The following PDE1C variants were observed in gnomAD, a reference collection of about 807,000 sequenced individuals.
The protein encoded by PDE1C is phosphodiesterase 1C.
A neutral mutation model predicts 93.1 loss-of-function variants in PDE1C; 62 were observed. The ratio of observed to expected loss-of-function variants is 0.67; its 90% CI spans 0.54 to 0.82. The LOEUF is 0.82. PDE1C is among the 40% of genes least tolerant of loss of function. The pLI, the probability that PDE1C is intolerant of heterozygous loss-of-function variation, is 0.00. For missense variants in PDE1C, 742 were observed against 884.6 expected, an observed-to-expected ratio of 0.84 and a Z score of 2.04; for synonymous variants, 325 against 310.1, an observed-to-expected ratio of 1.05 and a Z score of -0.50.
rs957080429 is a variant in PDE1C at position 32,095,379 on chromosome 7, G to A, written c.308+74406C>T. 3.3e-5 allele frequency among the ~76,000 whole-genome samples: 5 copies of A among 152,160 alleles called. 1 individual carries two copies. The South Asian group carries it at 6.2e-4, about 19-fold the overall frequency. ...GCAGATCCAGCACCCTTCCATGGCC[G>A]GACATGGACTCCTGCCTTAATCCTC... On this transcript the variant is annotated intron_variant, in intron 3 of 18. Coordinates refer to the PDE1C transcript ENST00000396193.
chr7:31,900,020 C>T (rs185880288), intron 2 of PDE1C, among the ~76,000 whole-genome samples: 12 of 152,236 alleles, frequency 7.9e-5, no homozygotes, highest in Admixed American at 3.3e-4. Context: ...ATGTCAGTTA[C>T]GCCAAGAAAC....
chr7:32,098,107 G>A (rs1797855161), intron 3 of PDE1C, among the ~76,000 whole-genome samples: 2 of 148,832 alleles, frequency 1.3e-5, no homozygotes, highest in Admixed American at 6.7e-5. Flanking sequence ...GCGGGCGCCT[G>A]TAGTCCCAGC....
In PDE1C at chr7:31,996,147, A is replaced by C. The variant is rs2128547349; in HGVS notation, c.128+55407T>G. ...GGGTGTAAAAACCAAGTTGAGAGAGAGAGAAGCTGGCAACATAGGTCTCCC... is the reference window on the plus strand; with the variant it reads ...GGGTGTAAAAACCAAGTTGAGAGAGCGAGAAGCTGGCAACATAGGTCTCCC... On this transcript the variant is annotated intron_variant, in intron 2 of 17. Transcript: ENST00000396191. Among the ~76,000 whole-genome samples, 3 of 152,046 alleles carry C rather than the reference A, an allele frequency of 2.0e-5. 1 individual carries two copies. In the Middle Eastern group the frequency reaches 0.01, roughly 517 times the overall value.
At chr7:31,692,599 A>C in the PDE1C span, 1 of 1,419,056 alleles carries the variant, frequency 7.0e-7, no homozygotes, top group Non-Finnish European at 9.9e-7. Context: ...GTTTGCAGGC[A>C]AGTCAGAGAG....
the PDE1C span, among the ~76,000 whole-genome samples, chr7:31,699,191 C>A: frequency 6.6e-6 from 1 of 152,104 alleles, no homozygotes; most frequent in East Asian, 1.9e-4. Context: ...TGAGGACTGC[C>A]TTTATTACTT....
chr7:31,860,012 A>G (rs1196843122), intron 7 of PDE1C, among the ~76,000 whole-genome samples: 1 of 152,172 alleles, frequency 6.6e-6, no homozygotes, highest in Non-Finnish European at 1.5e-5. Flanking sequence ...ACATTGCTAC[A>G]ATGAACCTGA....
chr7:32,032,293 A>G (rs551373100), intron 2 of PDE1C, among the ~76,000 whole-genome samples: 8 of 152,190 alleles, frequency 5.3e-5, no homozygotes, highest in Non-Finnish European at 1.2e-4. Context: ...AGGAAAACAA[A>G]CCTACTTGCC....
intron 2 of PDE1C, among the ~76,000 whole-genome samples, chr7:31,936,832 A>G (rs1805155072): frequency 6.6e-6 from 1 of 152,168 alleles, no homozygotes; most frequent in Non-Finnish European, 1.5e-5. Context: ...TGCCAAGGTT[A>G]AGAGCCAGCC....
downstream of PDE1C, among the ~76,000 whole-genome samples, chr7:31,750,460 C>T (rs1196705873): frequency 6.6e-6 from 1 of 152,152 alleles, no homozygotes. Flanking sequence ...AGGGACATTA[C>T]CCTTGAACTC....
intron 3 of PDE1C, among the ~76,000 whole-genome samples, chr7:32,141,636 CTGAG>C (rs1420517390): frequency 1.3e-5 from 2 of 152,178 alleles, no homozygotes; most frequent in Non-Finnish European, 2.9e-5. Context: ...GAAAGAAAGA[CTGAG>C]ACACTGTCAC....
At chr7:31,851,083 C>CAT (rs1793272869) in intron 7 of PDE1C, among the ~76,000 whole-genome samples, 1 of 28,340 alleles carries the variant, frequency 3.5e-5, no homozygotes, top group Admixed American at 6.4e-4. Flanking sequence ...CACACACACA[C>CAT]ACACACACAC....
intron 2 of PDE1C, among the ~76,000 whole-genome samples, chr7:31,910,811 G>T (rs1417232711): frequency 6.6e-6 from 1 of 152,124 alleles, no homozygotes; most frequent in Non-Finnish European, 1.5e-5. Flanking sequence ...AATGTAGTTG[G>T]TGTGAGGAGT....
At chr7:32,248,299 G>T (rs577709327) in intron 1 of PDE1C, among the ~76,000 whole-genome samples, 1 of 152,118 alleles carries the variant, frequency 6.6e-6, no homozygotes, top group Non-Finnish European at 1.5e-5. Flanking sequence ...ATTTAGAGTG[G>T]AGGAGAAGAC....
At chr7:31,718,387 G>A in the PDE1C span, among the ~76,000 whole-genome samples, 15 of 152,132 alleles carry the variant, frequency 9.9e-5, no homozygotes, top group Non-Finnish European at 2.1e-4. Context: ...GCTACTCACA[G>A]GTCTGAAGAC....
intron 2 of PDE1C, among the ~76,000 whole-genome samples, chr7:31,935,077 T>C (rs1052264504): frequency 3.3e-5 from 5 of 152,164 alleles, no homozygotes; most frequent in Admixed American, 2.0e-4. Context: ...CCTTCCATTA[T>C]GACAAAAGCA....
intron 2 of PDE1C, among the ~76,000 whole-genome samples, chr7:31,907,484 G>A (rs542281073): frequency 9.2e-5 from 14 of 152,262 alleles, no homozygotes; most frequent in Admixed American, 7.8e-4. Flanking sequence ...TTCTGTCTGT[G>A]AGCAACGATG....
intron 1 of PDE1C, among the ~76,000 whole-genome samples, chr7:32,357,058 G>A (rs925227100): frequency 6.6e-6 from 1 of 152,228 alleles, no homozygotes; most frequent in Non-Finnish European, 1.5e-5. Flanking sequence ...TTTAGGCCGG[G>A]CTCAGTGGCT....
chr7:32,256,560 C>T (rs1484668414), intron 1 of PDE1C, among the ~76,000 whole-genome samples: 1 of 152,228 alleles, frequency 6.6e-6, no homozygotes, highest in Non-Finnish European at 1.5e-5. Context: ...AACATCTCTA[C>T]CAGCCTAGCC....
At chr7:31,725,832 T>G in the PDE1C span, among the ~76,000 whole-genome samples, 1 of 152,216 alleles carries the variant, frequency 6.6e-6, no homozygotes, top group South Asian at 2.1e-4. Context: ...CCTTCTATTT[T>G]TTGGTTTGTT....
Sources: gnomAD v4.1 joint callset for allele counts (sites outside exome capture counted in the v4.1 genomes callset) on GRCh38, gnomAD v4.1.1 for gene constraint, MANE v1.5 for transcripts, NCBI Gene and HGNC (gene_info 2026-07-23, HGNC 2026-07-21) for gene names.